The following KCTD1 variants were observed in gnomAD, a reference collection of about 807,000 sequenced individuals.
KCTD1 encodes BTB/POZ domain-containing protein KCTD1.
Under a neutral mutation model 66.0 loss-of-function variants are expected in KCTD1, and 24 were observed. The ratio of observed to expected loss-of-function variants is 0.36; its 90% CI spans 0.26 to 0.51. The LOEUF is 0.51. Among genes scored for constraint, KCTD1 ranks in the 20% least tolerant of loss-of-function variants. The probability of loss-of-function intolerance (pLI) is 0.95; values close to 1 mark genes in which losing one functional copy is unlikely to be tolerated. For missense variants in KCTD1, 943 were observed against 1,205.2 expected (o/e 0.78, Z 3.22); for synonymous variants, 511 against 517.2 (o/e 0.99, Z 0.16).
chr18:26,468,621 C>T lies in KCTD1; in HGVS notation c.2133+7894G>A, dbSNP rs1980878795. On this transcript the variant is annotated intron_variant, in intron 3 of 4. Coordinates refer to ENST00000580059, the MANE Select transcript of KCTD1 (RefSeq NM_001142730.3). This position sits in a 1 kb window ranked among gnomAD's most constrained non-coding sequence, Gnocchi z 4.8. ...CTGAGGTGGGCGGATCATTTGAGGT[C>T]AGGAGTTTGAGACCAGCCTGGCCAA... is the stretch of plus-strand genomic sequence containing the variant. 6.6e-6 allele frequency among the ~76,000 whole-genome samples: 1 copy of T among 152,124 alleles called. No homozygotes were observed. The highest frequency in any genetic ancestry group is 2.1e-4 in the South Asian group (1 of 4,816).
chr18:26,657,218 G>T, intron 1 of KCTD1: 1 of 564,794 alleles, frequency 1.8e-6, no homozygotes, highest in Non-Finnish European at 2.2e-6. Flanking sequence ...ATTCCTAGTC[G>T]CCCGCCGCGG....
intron 1 of KCTD1, among the ~76,000 whole-genome samples, chr18:26,595,268 C>T (rs1986740855): frequency 6.6e-6 from 1 of 152,200 alleles, no homozygotes; most frequent in South Asian, 2.1e-4. Flanking sequence ...TCCAACTTCA[C>T]CTCAGCCCTC....
At chr18:26,654,985 A>G (rs1988102635) in intron 1 of KCTD1, among the ~76,000 whole-genome samples, 3 of 152,240 alleles carry the variant, frequency 2.0e-5, no homozygotes, top group African/African-American at 4.8e-5. Flanking sequence ...CACACTGCCC[A>G]TTATCCAGGA....
chr18:26,603,751 AAAATAAATAAAT>A (rs71266966), intron 1 of KCTD1, among the ~76,000 whole-genome samples: 7 of 146,762 alleles, frequency 4.8e-5, no homozygotes, highest in South Asian at 2.2e-4. Context: ...TCAAAAAAAT[AAAATAAATAAAT>A]AAATAAATAA....
intron 2 of KCTD1, among the ~76,000 whole-genome samples, chr18:26,494,762 T>G (rs1323075211): frequency 6.6e-6 from 1 of 152,218 alleles, no homozygotes; most frequent in African/African-American, 2.4e-5. Flanking sequence ...CATTTTTCAT[T>G]TGCCAGGTGC....
At chr18:26,618,646 G>A (rs80167275) in intron 1 of KCTD1, among the ~76,000 whole-genome samples, 8,310 of 152,302 alleles carry the variant, frequency 0.055, 306 homozygotes, top group Non-Finnish European at 0.078. Flanking sequence ...ACGACTCGAT[G>A]TGCTGCAAAT....
chr18:26,599,977 C>CCTG, intron 1 of KCTD1: 1 of 1,610,100 alleles, frequency 6.2e-7, no homozygotes, highest in Non-Finnish European at 8.5e-7. Flanking sequence ...TGCAGTGGAC[C>CCTG]CTGCTGCTGC....
intron 1 of KCTD1, among the ~76,000 whole-genome samples, chr18:26,534,298 T>G (rs1338699091): frequency 1.3e-5 from 2 of 152,174 alleles, no homozygotes; most frequent in Non-Finnish European, 2.9e-5. Context: ...GTGTTTCATT[T>G]TATTTTTATA....
At chr18:26,520,078 T>C (rs1983840449) in intron 1 of KCTD1, among the ~76,000 whole-genome samples, 1 of 152,232 alleles carries the variant, frequency 6.6e-6, no homozygotes, top group African/African-American at 2.4e-5. Context: ...GGACTATATT[T>C]GAGTTAGTAG....
chr18:26,642,727 C>A (rs745425134), upstream of KCTD1, among the ~76,000 whole-genome samples: 14 of 152,208 alleles, frequency 9.2e-5, no homozygotes, highest in Non-Finnish European at 1.9e-4. Flanking sequence ...TGAAAGACTG[C>A]AGAGGTTGCG....
chr18:26,561,252 C>T (rs1985841475), intron 1 of KCTD1, among the ~76,000 whole-genome samples: 1 of 151,986 alleles, frequency 6.6e-6, no homozygotes, highest in African/African-American at 2.4e-5. Context: ...CACATAAAAT[C>T]ATTTACAGTG....
chr18:26,477,815 T>C (rs918447984), intron 2 of KCTD1, among the ~76,000 whole-genome samples: 1 of 152,232 alleles, frequency 6.6e-6, no homozygotes, highest in African/African-American at 2.4e-5. Context: ...TAAAAACTCA[T>C]GTTACGTTAC....
intron 1 of KCTD1, chr18:26,600,263 G>A (rs1986859385): frequency 6.2e-7 from 1 of 1,606,862 alleles, no homozygotes; most frequent in Non-Finnish European, 8.5e-7. Flanking sequence ...CGCTGTGCCA[G>A]CTGCCCCTAC....
chr18:26,601,326 TAAAAAAAAA>T (rs61521451), intron 1 of KCTD1, among the ~76,000 whole-genome samples: 96 of 93,266 alleles, frequency 1.0e-3, no homozygotes, highest in African/African-American at 4.0e-3. Flanking sequence ...TGTTCATTGG[TAAAAAAAAA>T]AAAAAAAAAA....
intron 2 of KCTD1, among the ~76,000 whole-genome samples, chr18:26,500,157 C>G (rs1415595708): frequency 6.6e-6 from 1 of 151,988 alleles, no homozygotes; most frequent in Non-Finnish European, 1.5e-5. Context: ...TGGCTCACAC[C>G]TAGAGTCCCA....
rs1432299732 is a variant in KCTD1, at chr18:26,547,040, G to A, written c.1497C>T (p.Pro499=). The change falls in exon 1 of 5, where the codon CCC becomes CCT. Residue 499 remains proline (P), a synonymous_variant. Transcript: ENST00000580059. ...RHHSHHPPTH[P]SHHHRPQPPS... ...GCGGCTGGGGGCGGTGGTGGTGGGA[G>A]GGATGGGTGGGGGGGTGGTGGGAGT... 2 of 1,487,400 alleles carry A rather than the reference G, an allele frequency of 1.3e-6. No individual in the cohort carries two copies. The highest frequency in any genetic ancestry group is 5.0e-5 in the East Asian group (2 of 40,234). The allele number at this position is 1,487,400 out of a possible 1,614,324, so 92.1% of individuals were successfully genotyped here.
chr18:26,644,480 G>A (rs1987894643), upstream of KCTD1, among the ~76,000 whole-genome samples: 2 of 151,660 alleles, frequency 1.3e-5, no homozygotes, highest in Admixed American at 1.3e-4. Flanking sequence ...GAAGCAGGGG[G>A]CAGGTGCGGT....
chr18:26,531,449 T>C (rs914316568), intron 1 of KCTD1, among the ~76,000 whole-genome samples: 9 of 152,182 alleles, frequency 5.9e-5, no homozygotes, highest in African/African-American at 2.2e-4. Context: ...AAAAAAGAAG[T>C]ATATGTGTAT....
At chr18:26,502,967 C>T (rs1982843481) in intron 1 of KCTD1, among the ~76,000 whole-genome samples, 1 of 152,204 alleles carries the variant, frequency 6.6e-6, no homozygotes, top group African/African-American at 2.4e-5. Flanking sequence ...AACTGTTAGA[C>T]TACTTAGCAT....
Sources: allele counts gnomAD v4.1 joint callset (sites outside exome capture counted in the v4.1 genomes callset), GRCh38; gene constraint gnomAD v4.1.1; non-coding constraint Gnocchi (gnomAD v3.1); transcripts MANE v1.5; gene names NCBI Gene and HGNC (gene_info 2026-07-23, HGNC 2026-07-21).